Variants in DCDC1 observed in about 807,000 individuals in gnomAD.
DCDC1 encodes the protein doublecortin domain containing 1, also known as doublecortin domain-containing protein 1.
Under a neutral mutation model 178.3 loss-of-function variants are expected in DCDC1, and 200 were observed. The ratio of observed to expected loss-of-function variants is 1.12; its 90% confidence interval spans 1.00 to 1.26. The LOEUF (loss-of-function observed/expected upper bound fraction) is 1.26. Among genes scored for constraint, DCDC1 ranks in the 50% most tolerant of loss-of-function variants. The pLI, the probability that DCDC1 is intolerant of heterozygous loss-of-function variation, is 0.00. For synonymous variants in DCDC1, 690 were observed against 604.8 expected, an observed-to-expected ratio of 1.14 and a Z score of -2.07; for missense variants, 1,983 against 1,749.2, an observed-to-expected ratio of 1.13 and a Z score of -2.38.
At chr11:31,270,339 T>C (rs1945466020) in intron 7 of DCDC1, among the ~76,000 whole-genome samples, 1 of 152,272 alleles carries the variant, frequency 6.6e-6, no homozygotes, top group Non-Finnish European at 1.5e-5. Context: ...ATATCTTCTA[T>C]GGCTGCTTTC....
At chr11:31,281,188 C>G (rs988506154) in intron 7 of DCDC1, among the ~76,000 whole-genome samples, 1 of 152,048 alleles carries the variant, frequency 6.6e-6, no homozygotes, top group African/African-American at 2.4e-5. Flanking sequence ...ATCACATTGT[C>G]TATAAATAAA....
intron 30 of DCDC1, among the ~76,000 whole-genome samples, chr11:30,905,666 G>T (rs553136001): frequency 6.6e-6 from 1 of 152,262 alleles, no homozygotes; most frequent in South Asian, 2.1e-4. Flanking sequence ...TGCCCTGAGG[G>T]CAAAGTTCTG....
intron 9 of DCDC1, among the ~76,000 whole-genome samples, chr11:31,191,494 G>T (rs2136352442): frequency 6.6e-6 from 1 of 152,152 alleles, no homozygotes; most frequent in Non-Finnish European, 1.5e-5. Context: ...AATATCAAAA[G>T]GTATGGAAAA....
intron 21 of DCDC1, among the ~76,000 whole-genome samples, chr11:30,948,239 G>A (rs796933826): frequency 5.3e-4 from 80 of 152,178 alleles, no homozygotes; most frequent in African/African-American, 1.8e-3. Flanking sequence ...AATAATGCGT[G>A]AACTCCCATT....
intron 8 of DCDC1, among the ~76,000 whole-genome samples, chr11:31,246,922 A>G (rs1943607304): frequency 6.6e-6 from 1 of 152,064 alleles, no homozygotes; most frequent in Non-Finnish European, 1.5e-5. Flanking sequence ...CCTCCACTGA[A>G]CAAAATGACA....
At chr11:31,057,354 A>C (rs1955655176) in intron 20 of DCDC1, among the ~76,000 whole-genome samples, 1 of 152,146 alleles carries the variant, frequency 6.6e-6, no homozygotes, top group Non-Finnish European at 1.5e-5. Context: ...ATCAGAATTA[A>C]AATCAAATCA....
intron 1 of DCDC1, among the ~76,000 whole-genome samples, chr11:31,362,964 A>T (rs1241947396): frequency 6.6e-6 from 1 of 152,172 alleles, no homozygotes; most frequent in African/African-American, 2.4e-5. Context: ...AATAAAAAAC[A>T]GACTATAGTA....
chr11:30,901,066 GA>G (rs1332545629), intron 32 of DCDC1, among the ~76,000 whole-genome samples: 10 of 152,000 alleles, frequency 6.6e-5, no homozygotes, highest in African/African-American at 2.4e-4. Flanking sequence ...TTTGGGCTCT[GA>G]GCTTCCTAAT....
chr11:31,207,696 T>G (rs1972029951), intron 9 of DCDC1, among the ~76,000 whole-genome samples: 2 of 152,194 alleles, frequency 1.3e-5, no homozygotes, highest in South Asian at 4.1e-4. Context: ...AACCCTCCCC[T>G]GGCCACTCAG....
intron 9 of DCDC1, among the ~76,000 whole-genome samples, chr11:31,237,334 T>C (rs1976581535): frequency 6.6e-6 from 1 of 151,892 alleles, no homozygotes; most frequent in South Asian, 2.1e-4. Context: ...CATCAAATAA[T>C]ATGCCCACAA....
At chr11:31,273,280 C>T (rs778435061) in intron 7 of DCDC1, among the ~76,000 whole-genome samples, 3 of 152,138 alleles carry the variant, frequency 2.0e-5, no homozygotes, top group Admixed American at 6.5e-5. Flanking sequence ...TGTAAATTTT[C>T]CAAACTTTTA....
intron 20 of DCDC1, among the ~76,000 whole-genome samples, chr11:30,971,810 T>A (rs190615118): frequency 6.6e-6 from 1 of 151,930 alleles, no homozygotes; most frequent in East Asian, 1.9e-4. Context: ...GGGGTTTCAC[T>A]GTATTAGCCA....
chr11:30,972,328 A>C (rs987879490), intron 20 of DCDC1, among the ~76,000 whole-genome samples: 1 of 152,208 alleles, frequency 6.6e-6, no homozygotes, highest in Non-Finnish European at 1.5e-5. Flanking sequence ...TATATTCAAA[A>C]TGCTGAAAGA....
intron 2 of DCDC1, among the ~76,000 whole-genome samples, chr11:31,329,545 G>C (rs1949849281): frequency 6.6e-6 from 1 of 151,906 alleles, no homozygotes; most frequent in African/African-American, 2.4e-5. Context: ...TATCCCTCCA[G>C]CCCTGCCCCC....
At chr11:31,160,513 A>G (rs1056234508) in intron 9 of DCDC1, among the ~76,000 whole-genome samples, 14 of 152,170 alleles carry the variant, frequency 9.2e-5, no homozygotes, top group African/African-American at 3.1e-4. Flanking sequence ...TTATAATGAA[A>G]AATTTCATCC....
At chr11:30,927,951 T>A (rs1946691493) in intron 22 of DCDC1, among the ~76,000 whole-genome samples, 1 of 152,118 alleles carries the variant, frequency 6.6e-6, no homozygotes. Context: ...TTAAAAAAAA[T>A]TACAACATAT....
intron 2 of DCDC1, among the ~76,000 whole-genome samples, chr11:31,330,210 G>A (rs1355237686): frequency 6.6e-6 from 1 of 151,540 alleles, no homozygotes; most frequent in Non-Finnish European, 1.5e-5. Context: ...TTTGAGAAAT[G>A]TCTGTTCATA....
At position 30,963,899 on chromosome 11, in the gene DCDC1, G is replaced by A. The variant is rs138604257; in HGVS notation, c.2592-11331C>T. Reference sequence around the variant, plus strand: ...ACTGCTTTTTCTGCTATCTACTTCTGGGAAATTTTCATGTGTTTCTGCCAC... The same window carrying A: ...ACTGCTTTTTCTGCTATCTACTTCTAGGAAATTTTCATGTGTTTCTGCCAC... On this transcript the variant is annotated intron_variant, in intron 20 of 38. Coordinates refer to ENST00000684477, the MANE Select transcript of DCDC1 (RefSeq NM_001387274.1). 1.8e-3 allele frequency among the ~76,000 whole-genome samples: 271 copies of A among 152,002 alleles called. 2 individuals carry two copies. Among genetic ancestry groups the A allele is most frequent in the Non-Finnish European group, 2.6e-3 (180 of 67,970 alleles).
intron 7 of DCDC1, among the ~76,000 whole-genome samples, chr11:31,281,556 T>C (rs935138182): frequency 4.6e-5 from 7 of 152,142 alleles, no homozygotes; most frequent in Non-Finnish European, 1.0e-4. Context: ...GTCAACTACA[T>C]TGTCTGTTGT....
Sources: gnomAD v4.1 joint callset for allele counts (sites outside exome capture counted in the v4.1 genomes callset) on GRCh38, gnomAD v4.1.1 for gene constraint, MANE v1.5 for transcripts, NCBI Gene and HGNC (gene_info 2026-07-23, HGNC 2026-07-21) for gene names.